COL25A1: variants seen among roughly 807,000 people sequenced by gnomAD.
COL25A1 encodes the protein collagen type XXV alpha 1 chain, also known as collagen alpha-1(XXV) chain.
A neutral mutation model predicts 128.4 loss-of-function variants in COL25A1; 103 were observed. That is an observed-to-expected ratio of 0.80 (90% CI 0.68 to 0.94). The LOEUF (loss-of-function observed/expected upper bound fraction) is 0.94, where lower values mean the gene tolerates loss of function less well. Among genes scored for constraint, COL25A1 ranks in the 40% least tolerant of loss-of-function variants. COL25A1 has a pLI of 0.00. For synonymous variants in COL25A1, 279 were observed against 277.2 expected, an observed-to-expected ratio of 1.01 and a Z score of -0.06; for missense variants, 745 against 840.0, an observed-to-expected ratio of 0.89 and a Z score of 1.40.
chr4:108,813,829 A>G lies in COL25A1; in HGVS notation c.*98T>C, dbSNP rs1560688697. On this transcript the variant is annotated 3_prime_UTR_variant, in exon 38 of 38. Transcript: ENST00000399132. Reference sequence around the variant, plus strand: ...CAGGAAGAAGCAGCCCTATGTAAACATATCTCAGACTTGTAAAATCTGCAA... The same window carrying G: ...CAGGAAGAAGCAGCCCTATGTAAACGTATCTCAGACTTGTAAAATCTGCAA... 5.4e-6 allele frequency: 5 copies of G among 933,084 alleles called. No individual in the cohort carries two copies. Among genetic ancestry groups the G allele is most frequent in the Admixed American group, 4.2e-5 (2 of 47,278 alleles). The allele number at this position is 933,084 out of a possible 1,614,324, so 57.8% of individuals were successfully genotyped here.
At chr4:108,960,427 A>G (rs542434212) in intron 8 of COL25A1, among the ~76,000 whole-genome samples, 4 of 152,272 alleles carry the variant, frequency 2.6e-5, no homozygotes, top group South Asian at 4.1e-4. Context: ...GACAAAATAC[A>G]GTAATTTTTG....
intron 3 of COL25A1, among the ~76,000 whole-genome samples, chr4:109,135,509 A>G (rs1251484020): frequency 6.6e-6 from 1 of 152,174 alleles, no homozygotes; most frequent in African/African-American, 2.4e-5. Flanking sequence ...AGAAGCAAAT[A>G]TACTAGACTC....
At chr4:109,053,496 C>T (rs1238141320) in intron 3 of COL25A1, among the ~76,000 whole-genome samples, 3 of 152,106 alleles carry the variant, frequency 2.0e-5, no homozygotes, top group Admixed American at 1.3e-4. Context: ...AAACATATGC[C>T]ACTCCATGGG....
chr4:108,928,719 T>G (rs1478556311), intron 11 of COL25A1, among the ~76,000 whole-genome samples: 1 of 151,998 alleles, frequency 6.6e-6, no homozygotes, highest in Non-Finnish European at 1.5e-5. Flanking sequence ...TTGTTTTTGT[T>G]TGTTTGTTTT....
At chr4:109,194,609 A>G (rs886874826) in intron 3 of COL25A1, among the ~76,000 whole-genome samples, 2 of 152,174 alleles carry the variant, frequency 1.3e-5, no homozygotes, top group African/African-American at 4.8e-5. Context: ...AGGTTAGGAT[A>G]GGTAACTTTG....
At chr4:108,979,511 T>C (rs1752754419) in intron 6 of COL25A1, among the ~76,000 whole-genome samples, 1 of 152,144 alleles carries the variant, frequency 6.6e-6, no homozygotes, top group Non-Finnish European at 1.5e-5. Flanking sequence ...AAGGCAGGAA[T>C]AGTTTTTAAA....
chr4:109,106,333 T>G (rs576112900), intron 3 of COL25A1, among the ~76,000 whole-genome samples: 1 of 152,306 alleles, frequency 6.6e-6, no homozygotes, highest in African/African-American at 2.4e-5. Context: ...TCCCACCAAC[T>G]ACACTGACTT....
chr4:108,983,612 C>T (rs897022001), intron 6 of COL25A1, among the ~76,000 whole-genome samples: 2 of 152,166 alleles, frequency 1.3e-5, no homozygotes, highest in African/African-American at 4.8e-5. Context: ...GTGAGTGTTA[C>T]AGCTCTTAAG....
chr4:109,239,412 A>T (rs1313242089), intron 3 of COL25A1, among the ~76,000 whole-genome samples: 75 of 134,852 alleles, frequency 5.6e-4, no homozygotes, highest in African/African-American at 2.1e-3. Flanking sequence ...ATATATATAT[A>T]TATATATATA....
intron 6 of COL25A1, among the ~76,000 whole-genome samples, chr4:108,987,236 T>C (rs1426364852): frequency 6.6e-6 from 1 of 152,146 alleles, no homozygotes; most frequent in African/African-American, 2.4e-5. Flanking sequence ...CTCCAGCCTG[T>C]CTTCAATACC....
At chr4:108,944,743 T>A (rs1307221417) in intron 8 of COL25A1, among the ~76,000 whole-genome samples, 1 of 152,094 alleles carries the variant, frequency 6.6e-6, no homozygotes, top group Non-Finnish European at 1.5e-5. Flanking sequence ...TGGGTTCTAA[T>A]TTTAATGAGA....
chr4:108,903,778 T>G (rs1743136566), intron 13 of COL25A1, among the ~76,000 whole-genome samples: 1 of 152,098 alleles, frequency 6.6e-6, no homozygotes, highest in South Asian at 2.1e-4. Context: ...TCACAACTTC[T>G]TACAACAATG....
chr4:108,988,393 T>G (rs901459226), intron 6 of COL25A1, among the ~76,000 whole-genome samples: 1 of 152,216 alleles, frequency 6.6e-6, no homozygotes, highest in African/African-American at 2.4e-5. Context: ...GTATCCAACA[T>G]GCTTCCAATG....
At chr4:109,194,497 A>G (rs1255786166) in intron 3 of COL25A1, among the ~76,000 whole-genome samples, 2 of 152,200 alleles carry the variant, frequency 1.3e-5, no homozygotes, top group African/African-American at 4.8e-5. Context: ...ATCTTGGTAC[A>G]CCCTGATGAA....
At chr4:108,868,846 T>G (rs1578600297) in intron 20 of COL25A1, among the ~76,000 whole-genome samples, 27 of 96,726 alleles carry the variant, frequency 2.8e-4, no homozygotes, top group East Asian at 5.8e-4. Context: ...GGAAGGAAGA[T>G]AGGAAGGAAA....
intron 3 of COL25A1, among the ~76,000 whole-genome samples, chr4:109,296,791 A>G (rs886800273): frequency 6.6e-6 from 1 of 152,108 alleles, no homozygotes; most frequent in Non-Finnish European, 1.5e-5. Context: ...GGCAGGCAAC[A>G]CTACTGATGA....
At chr4:109,051,945 A>G (rs1041387089) in intron 3 of COL25A1, among the ~76,000 whole-genome samples, 4 of 152,164 alleles carry the variant, frequency 2.6e-5, no homozygotes, top group African/African-American at 9.7e-5. Flanking sequence ...AATGTTAGGA[A>G]ATACCAGAGG....
rs145900375 is a variant in COL25A1 at position 109,069,809 on chromosome 4, G to A, written c.368-19630C>T. The stretch of plus-strand genomic sequence containing the variant: ...GAATTGTCCAGGAAATGTGGAAGCT[G>A]CTGGCTTCTAAACATTTGAAAACTC... On this transcript the variant is annotated intron_variant, in intron 3 of 37. Transcript: ENST00000399132. Among the ~76,000 whole-genome samples the A allele has an allele frequency of 2.4e-3, 362 of 152,222 alleles. 2 individuals are homozygous for A. The highest frequency in any genetic ancestry group is 8.1e-3 in the African/African-American group (336 of 41,544).
chr4:108,879,755 C>T, intron 19 of COL25A1, among the ~76,000 whole-genome samples: 1 of 148,264 alleles, frequency 6.7e-6, no homozygotes, highest in East Asian at 2.1e-4. Context: ...CCTGGTGGTA[C>T]ATGTTGAAAG....
Sources: gnomAD v4.1 joint callset for allele counts (sites outside exome capture counted in the v4.1 genomes callset) on GRCh38, gnomAD v4.1.1 for gene constraint, MANE v1.5 for transcripts, NCBI Gene and HGNC (gene_info 2026-07-23, HGNC 2026-07-21) for gene names.